Variants in CEP128 observed in about 807,000 individuals in gnomAD.
CEP128 encodes the protein centrosomal protein 128kDa.
A neutral mutation model predicts 156.7 loss-of-function variants in CEP128; 132 were observed. The ratio of observed to expected loss-of-function variants is 0.84; its 90% confidence interval spans 0.73 to 0.97. The LOEUF is 0.97. Ranked by LOEUF, CEP128 falls within the 50% of genes least tolerant of loss-of-function variation. The pLI, the probability that CEP128 is intolerant of heterozygous loss-of-function variation, is 0.00. For missense variants in CEP128, 1,252 were observed against 1,281.9 expected (o/e 0.98, Z 0.36); for synonymous variants, 469 against 448.9 (o/e 1.04, Z -0.57).
chr14:80,883,339 G>GA (rs1888642685), intron 8 of CEP128, among the ~76,000 whole-genome samples: 1 of 151,848 alleles, frequency 6.6e-6, no homozygotes, highest in Non-Finnish European at 1.5e-5. Context: ...TCATCTATTT[G>GA]AAAAAAACCT....
At chr14:80,579,334 T>G (rs1891491595) in intron 20 of CEP128, among the ~76,000 whole-genome samples, 1 of 152,102 alleles carries the variant, frequency 6.6e-6, no homozygotes, top group Admixed American at 6.6e-5. Context: ...AATGCTCTTT[T>G]TTTTTTTTTA....
At chr14:80,796,834 C>A (rs545545531) in intron 13 of CEP128, among the ~76,000 whole-genome samples, 2 of 152,286 alleles carry the variant, frequency 1.3e-5, no homozygotes, top group South Asian at 4.1e-4. Flanking sequence ...ACTTAGAAAT[C>A]TCACAGGCAT....
Position 80,496,856 on chromosome 14 carries a change from T to C in CEP128, c.*623A>G, listed in dbSNP as rs1436569193. On this transcript the variant is annotated 3_prime_UTR_variant, in exon 25 of 25. Transcript: ENST00000555265. ...TTTACAGTGCTCTACAGTTCAGATA[T>C]CATTTATGAATTCTTTATTGCTATT... 2 of 152,302 alleles carry C rather than the reference T, an allele frequency of 1.3e-5. No homozygotes were observed. The highest frequency in any genetic ancestry group is 4.8e-5 in the African/African-American group (2 of 41,446). 9.4% of individuals were successfully genotyped at this position (152,302 alleles called of 1,614,324 possible).
At chr14:80,540,558 C>T (rs1889711058) in intron 21 of CEP128, among the ~76,000 whole-genome samples, 1 of 152,170 alleles carries the variant, frequency 6.6e-6, no homozygotes, top group South Asian at 2.1e-4. Context: ...TTTTTGGCCA[C>T]AGCTAAAATT....
At chr14:80,775,459 C>T (rs1053525079) in intron 16 of CEP128, among the ~76,000 whole-genome samples, 1 of 152,186 alleles carries the variant, frequency 6.6e-6, no homozygotes, top group African/African-American at 2.4e-5. Context: ...ATATAAACTA[C>T]ATATAATATA....
At chr14:80,500,263 C>G (rs1248764531) in intron 24 of CEP128, among the ~76,000 whole-genome samples, 1 of 152,174 alleles carries the variant, frequency 6.6e-6, no homozygotes, top group African/African-American at 2.4e-5. Context: ...GACAGGGCAT[C>G]TAAGTCAGCA....
rs192099929 is a variant in CEP128, at chr14:80,527,866, C to T, written c.2959-884G>A. ...ATTAAGAAAACAAAAATTTCCAGGC[C>T]TGCCTTTTTTCTTTTTTTTCCTCTT... is the stretch of plus-strand genomic sequence containing the variant. On this transcript the variant is annotated intron_variant, in intron 22 of 24. Transcript: ENST00000555265. 8.4e-3 allele frequency among the ~76,000 whole-genome samples: 1,283 copies of T among 152,074 alleles called. 3 individuals are homozygous for T. Among genetic ancestry groups the T allele is most frequent in the Non-Finnish European group, 0.014 (936 of 67,990 alleles).
chr14:80,531,256 G>T (rs1176179998), intron 21 of CEP128, among the ~76,000 whole-genome samples: 3 of 152,124 alleles, frequency 2.0e-5, no homozygotes, highest in Non-Finnish European at 4.4e-5. Context: ...CTGAGAAACA[G>T]ATGAATCTGC....
chr14:80,675,626 T>G (rs967758570), intron 19 of CEP128, among the ~76,000 whole-genome samples: 25 of 152,230 alleles, frequency 1.6e-4, no homozygotes, highest in African/African-American at 6.0e-4. Context: ...GGAATTCATT[T>G]GTTCTTGATA....
chr14:80,533,052 T>C (rs1426268797), intron 21 of CEP128, among the ~76,000 whole-genome samples: 1 of 152,204 alleles, frequency 6.6e-6, no homozygotes, highest in African/African-American at 2.4e-5. Flanking sequence ...TTAAATGACT[T>C]CATCTAATTT....
chr14:80,856,720 CTTTTTTTTTTTTTTTTTTTT>C, intron 9 of CEP128, among the ~76,000 whole-genome samples: 1 of 65,188 alleles, frequency 1.5e-5, no homozygotes, highest in South Asian at 5.6e-4. Context: ...TTTTTCTTTT[CTTTTTTTTTTTTTTTTTTTT>C]TTTTTTTTGA....
intron 12 of CEP128, among the ~76,000 whole-genome samples, chr14:80,835,169 A>C (rs1886011844): frequency 6.6e-6 from 1 of 152,110 alleles, no homozygotes; most frequent in East Asian, 1.9e-4. Flanking sequence ...CCTCTTTTGC[A>C]TTGTTTGGAT....
intron 18 of CEP128, among the ~76,000 whole-genome samples, chr14:80,754,870 A>G (rs1230365981): frequency 1.3e-5 from 2 of 152,166 alleles, no homozygotes; most frequent in Non-Finnish European, 2.9e-5. Context: ...ATACCTTGTT[A>G]GAACTTGTTA....
At chr14:80,516,001 G>A (rs370957529) in intron 23 of CEP128, among the ~76,000 whole-genome samples, 36 of 152,256 alleles carry the variant, frequency 2.4e-4, no homozygotes, top group African/African-American at 8.7e-4. Context: ...GAGTAGCTGG[G>A]ATTACAGGTG....
At chr14:80,826,609 T>C (rs1262679996) in intron 13 of CEP128, among the ~76,000 whole-genome samples, 1 of 152,162 alleles carries the variant, frequency 6.6e-6, no homozygotes, top group Non-Finnish European at 1.5e-5. Flanking sequence ...AAATAAGCTA[T>C]TATTGATTAT....
intron 9 of CEP128, among the ~76,000 whole-genome samples, chr14:80,845,318 T>C (rs1254512111): frequency 6.6e-6 from 1 of 152,206 alleles, no homozygotes; most frequent in Non-Finnish European, 1.5e-5. Context: ...GAACAGATTA[T>C]ATTTTTATGC....
At chr14:80,643,360 G>T (rs995814925) in intron 19 of CEP128, among the ~76,000 whole-genome samples, 7 of 152,164 alleles carry the variant, frequency 4.6e-5, no homozygotes, top group African/African-American at 1.7e-4. Flanking sequence ...ACAGCAGTCA[G>T]CAGGGACAGC....
intron 19 of CEP128, among the ~76,000 whole-genome samples, chr14:80,682,595 A>G (rs1896366299): frequency 6.6e-6 from 1 of 152,182 alleles, no homozygotes; most frequent in South Asian, 2.1e-4. Context: ...CCTAGAGAAC[A>G]CTTGAAAGAT....
chr14:80,517,898 C>T (rs980761813), intron 23 of CEP128, among the ~76,000 whole-genome samples: 8 of 151,928 alleles, frequency 5.3e-5, no homozygotes, highest in African/African-American at 1.5e-4. Context: ...TGGCAATGGG[C>T]GCCTCGCTGG....
Sources: gnomAD v4.1 joint callset for allele counts (sites outside exome capture counted in the v4.1 genomes callset) on GRCh38, gnomAD v4.1.1 for gene constraint, MANE v1.5 for transcripts, NCBI Gene and HGNC (gene_info 2026-07-23, HGNC 2026-07-21) for gene names.